The following TMC7 variants were observed in gnomAD, a reference collection of about 807,000 sequenced individuals.
The protein encoded by TMC7 is transmembrane channel like 7.
Under a neutral mutation model 82.9 loss-of-function variants are expected in TMC7, and 54 were observed. That is an observed-to-expected ratio of 0.65 (90% confidence interval 0.52 to 0.82). The LOEUF (loss-of-function observed/expected upper bound fraction) is 0.82, where lower values mean the gene tolerates loss of function less well. Among genes scored for constraint, TMC7 ranks in the 40% least tolerant of loss-of-function variants. The pLI is 0.00. For synonymous variants in TMC7, 350 were observed against 337.9 expected (o/e 1.04, Z -0.39); for missense variants, 820 against 901.2 (o/e 0.91, Z 1.15).
intron 4 of TMC7, among the ~76,000 whole-genome samples, chr16:19,022,750 C>T (rs927989346): frequency 3.3e-5 from 5 of 152,316 alleles, no homozygotes; most frequent in African/African-American, 1.2e-4. Context: ...AGGCTGTGGC[C>T]GGGTCCGGGG....
In TMC7 at chr16:18,985,019, T is replaced by A. The variant is rs577306140; in HGVS notation, c.67+889T>A. ...GCTCACGCCTGTAATCCCAGCACTTTGGGAGGCTGAGGCGGGTGGATCACG... is the reference window on the plus strand; with the variant it reads ...GCTCACGCCTGTAATCCCAGCACTTAGGGAGGCTGAGGCGGGTGGATCACG... On this transcript the variant is annotated intron_variant, in intron 1 of 15. Transcript: ENST00000304381. Among the ~76,000 whole-genome samples the A allele has an allele frequency of 3.3e-5, 5 of 152,262 alleles. No homozygotes were observed. The South Asian group carries it at 1.0e-3, about 32-fold the overall frequency.
In TMC7 at chr16:19,029,120, T is replaced by C. The variant is rs866790846; in HGVS notation, c.712-1104T>C. On this transcript the variant is annotated intron_variant, in intron 5 of 15. Transcript: ENST00000304381. ...TCCCGGGTTCACACCATTCTCCTGC[T>C]TCAGCCTCCCGAGTAGCTGGGACTA... 2.2e-4 allele frequency among the ~76,000 whole-genome samples: 33 copies of C among 150,030 alleles called. 1 individual carries two copies. Among genetic ancestry groups the C allele is most frequent in the Middle Eastern group, 3.6e-3 (1 of 278 alleles).
chr16:19,022,936 C>T (rs1214225088), intron 4 of TMC7, among the ~76,000 whole-genome samples, 177 bp from the exon 5 acceptor site: 1 of 152,154 alleles, frequency 6.6e-6, no homozygotes, highest in Non-Finnish European at 1.5e-5. Flanking sequence ...AGGAGAATCG[C>T]TTGAACCCAG....
At chr16:19,015,578 T>TC (rs1489132454) in intron 2 of TMC7, among the ~76,000 whole-genome samples, 1 of 152,048 alleles carries the variant, frequency 6.6e-6, no homozygotes, top group Non-Finnish European at 1.5e-5. Flanking sequence ...AAGTTTTTTT[T>TC]TTTTTTTTTG....
chr16:19,059,586 T>C (rs1596804288), intron 15 of TMC7, 92 bp downstream of exon 15: 1 of 1,610,500 alleles, frequency 6.2e-7, no homozygotes, highest in East Asian at 2.2e-5. Context: ...GGAGTGAAAT[T>C]ACTGCAGCCT....
At chr16:19,013,262 G>A (rs1044846245) in intron 2 of TMC7, among the ~76,000 whole-genome samples, 41 of 150,744 alleles carry the variant, frequency 2.7e-4, no homozygotes, top group African/African-American at 1.2e-4. Flanking sequence ...CTTGTTGCCC[G>A]GGCTGGAGTG....
chr16:19,047,390 A>G, intron 12 of TMC7, 141 bp downstream of exon 12: 2 of 743,160 alleles, frequency 2.7e-6, no homozygotes, highest in Non-Finnish European at 4.1e-6. Flanking sequence ...TTTATTCTAG[A>G]AAAATATTGC....
intron 12 of TMC7, among the ~76,000 whole-genome samples, chr16:19,051,314 C>T (rs963106505): frequency 1.0e-4 from 15 of 148,108 alleles, no homozygotes; most frequent in African/African-American, 3.7e-4. Flanking sequence ...AGGTTTGTTA[C>T]ATATGTATAC....
chr16:19,005,654 A>C (rs2039226724), intron 1 of TMC7, among the ~76,000 whole-genome samples: 1 of 152,144 alleles, frequency 6.6e-6, no homozygotes, highest in Non-Finnish European at 1.5e-5. Flanking sequence ...ACAGCTGTTG[A>C]ATATTCAGTA....
chr16:19,013,240 C>A (rs192760600), intron 2 of TMC7, among the ~76,000 whole-genome samples: 1 of 151,916 alleles, frequency 6.6e-6, no homozygotes, highest in Non-Finnish European at 1.5e-5. Context: ...TATTTTTAGA[C>A]GGAGTTTCGC....
chr16:19,035,037 A>G (rs530448954), intron 6 of TMC7, among the ~76,000 whole-genome samples: 17 of 152,342 alleles, frequency 1.1e-4, no homozygotes, highest in African/African-American at 3.8e-4. Flanking sequence ...GTGCCCATCA[A>G]TGGAGGACTG....
chr16:19,013,664 C>T (rs1292490305), intron 2 of TMC7, among the ~76,000 whole-genome samples: 3 of 151,744 alleles, frequency 2.0e-5, no homozygotes, highest in Non-Finnish European at 4.4e-5. Flanking sequence ...ATTACAGGCA[C>T]CTGCCACCAT....
intron 14 of TMC7, 135 bp from the exon 15 acceptor site, chr16:19,059,281 T>C (rs1309100687): frequency 4.3e-5 from 62 of 1,453,170 alleles, no homozygotes; most frequent in Non-Finnish European, 3.7e-6. Flanking sequence ...ACTGGTATTA[T>C]AAAATGAGCC....
rs1488890285 is a variant in TMC7, at chr16:19,037,883, G to C, written c.1015G>C (p.Glu339Gln). The C allele has an allele frequency of 1.9e-6, 3 of 1,613,250 alleles. No individual in the cohort carries two copies. The highest frequency in any genetic ancestry group is 2.5e-6 in the Non-Finnish European group (3 of 1,179,782). ...SLRYELRADL[E>Q]EERMRQKIAE... ...TTTCTTTTATCTTCAGGCAGATCTG[G>C]AGGAAGAAAGAATGCGGCAGAAAAT... is the stretch of plus-strand genomic sequence containing the variant. The change falls in exon 8 of 16, where the codon GAG becomes CAG. Residue 339 changes from glutamate to glutamine, a missense_variant. Physicochemically the swap from Glu to Gln is conservative, Grantham distance 29. Coordinates refer to ENST00000304381, the MANE Select transcript of TMC7 (RefSeq NM_024847.4).
At chr16:19,058,190 G>A (rs1282202202) in intron 14 of TMC7, among the ~76,000 whole-genome samples, 5 of 152,028 alleles carry the variant, frequency 3.3e-5, no homozygotes, top group Admixed American at 6.6e-5. Context: ...TCAGGAGTTC[G>A]AGAGCAGCCT....
intron 6 of TMC7, among the ~76,000 whole-genome samples, chr16:19,032,479 C>A (rs942079939): frequency 6.6e-6 from 1 of 151,162 alleles, no homozygotes; most frequent in Admixed American, 6.6e-5. Flanking sequence ...TTTTATGGAC[C>A]TACAGGGTAG....
intron 1 of TMC7, among the ~76,000 whole-genome samples, chr16:18,994,424 G>T (rs1048125399): frequency 1.5e-4 from 22 of 151,214 alleles, no homozygotes; most frequent in African/African-American, 4.9e-4. Context: ...CTGCACTCCA[G>T]CCTGGGTGAC....
At chr16:19,029,157 C>A (rs541101849) in intron 5 of TMC7, among the ~76,000 whole-genome samples, 3 of 151,858 alleles carry the variant, frequency 2.0e-5, no homozygotes, top group Admixed American at 6.6e-5. Context: ...AGGCGCCCGC[C>A]ACCACACCCG....
chr16:19,035,800 A>G lies in TMC7; in HGVS notation c.982A>G (p.Ser328Gly), dbSNP rs773946118. ...TNRSMADLKHSSLRYELRADL... is the reference protein window; with the variant it reads ...TNRSMADLKHGSLRYELRADL... ...CCGCAGCATGGCGGATCTGAAGCACAGCAGCTTGCGGTACGAGCTCCGAGT... is the reference window on the plus strand; with the variant it reads ...CCGCAGCATGGCGGATCTGAAGCACGGCAGCTTGCGGTACGAGCTCCGAGT... Residue 328 changes from serine (S) to glycine (G), a missense_variant, in exon 7 of 16, where the codon AGC (serine) becomes GGC (glycine). Ser to Gly is a moderately conservative substitution (Grantham distance 56). Coordinates refer to ENST00000304381, the MANE Select transcript of TMC7 (RefSeq NM_024847.4). 2 of 1,601,718 alleles carry G rather than the reference A, an allele frequency of 1.2e-6. No individual in the cohort carries two copies. Among genetic ancestry groups the G allele is most frequent in the South Asian group, 1.1e-5 (1 of 88,996 alleles).
Sources: allele counts gnomAD v4.1 joint callset (sites outside exome capture counted in the v4.1 genomes callset), GRCh38; gene constraint gnomAD v4.1.1; transcripts MANE v1.5; gene names NCBI Gene and HGNC (gene_info 2026-07-23, HGNC 2026-07-21).